Variants in GJC1 observed in about 807,000 individuals in gnomAD.
GJC1 encodes gap junction protein gamma 1, also known as gap junction gamma-1 protein.
In GJC1, 5 loss-of-function variants were observed where a neutral mutation model predicts 29.3. The observed-to-expected ratio is 0.17, with a 90% CI of 0.09 to 0.36. The LOEUF is 0.36. GJC1 is among the 10% of genes least tolerant of loss of function. The pLI, the probability that GJC1 is intolerant of heterozygous loss-of-function variation, is 1.00. For missense variants in GJC1, 310 were observed against 496.2 expected (o/e 0.62, Z 3.56); for synonymous variants, 177 against 183.3 (o/e 0.97, Z 0.28).
chr17:44,811,639 G>A (rs532780894), intron 1 of GJC1, among the ~76,000 whole-genome samples: 2 of 151,916 alleles, frequency 1.3e-5, no homozygotes, highest in African/African-American at 2.4e-5. Flanking sequence ...TGCCTGCCTC[G>A]GCCTTCCAAA....
chr17:44,828,579 G>A (rs2050199124), intron 1 of GJC1, among the ~76,000 whole-genome samples: 1 of 152,160 alleles, frequency 6.6e-6, no homozygotes, highest in African/African-American at 2.4e-5. Context: ...GGAAAACTAA[G>A]ATCTGTTTAT....
downstream of GJC1, chr17:44,794,228 A>AC (rs1176956611): frequency 2.0e-5 from 3 of 152,142 alleles, no homozygotes; most frequent in Non-Finnish European, 4.4e-5. Flanking sequence ...CCCAGAGCAG[A>AC]CCCCTAGCAC....
chr17:44,796,881 T>C (rs182757515), downstream of GJC1, among the ~76,000 whole-genome samples: 30 of 152,214 alleles, frequency 2.0e-4, no homozygotes, highest in African/African-American at 7.2e-4. Flanking sequence ...TCGCTCTTGC[T>C]CTGTCATCCA....
At chr17:44,822,643 CAA>C (rs11423012) in intron 1 of GJC1, among the ~76,000 whole-genome samples, 1,393 of 80,216 alleles carry the variant, frequency 0.017, 21 homozygotes, top group African/African-American at 0.057. Context: ...AACTCCATCT[CAA>C]AAAAAAAAAA....
chr17:44,825,635 C>T (rs1309298297), intron 1 of GJC1, among the ~76,000 whole-genome samples: 1 of 152,052 alleles, frequency 6.6e-6, no homozygotes, highest in African/African-American at 2.4e-5. Context: ...ATTAGCTGGG[C>T]GTGGTGGTGG....
chr17:44,815,749 C>T (rs2050034436), intron 1 of GJC1, among the ~76,000 whole-genome samples: 2 of 151,622 alleles, frequency 1.3e-5, no homozygotes, highest in African/African-American at 4.9e-5. Flanking sequence ...ATAAACATCT[C>T]AGTTTATTTT....
At chr17:44,814,420 G>C (rs1300265032) in intron 1 of GJC1, among the ~76,000 whole-genome samples, 1 of 152,060 alleles carries the variant, frequency 6.6e-6, no homozygotes, top group Non-Finnish European at 1.5e-5. Context: ...GATTACAGGC[G>C]TGAGCCACCA....
intron 1 of GJC1, among the ~76,000 whole-genome samples, chr17:44,812,078 C>T (rs917981119): frequency 4.0e-5 from 6 of 151,856 alleles, no homozygotes; most frequent in African/African-American, 1.5e-4. Flanking sequence ...ACTTTGGGAG[C>T]CCAAGGCGGA....
At chr17:44,815,132 T>G (rs1199359254) in intron 1 of GJC1, among the ~76,000 whole-genome samples, 2 of 152,078 alleles carry the variant, frequency 1.3e-5, no homozygotes, top group Admixed American at 6.6e-5. Flanking sequence ...GTGGTGGAGA[T>G]GGGTGGAGGC....
Position 44,805,450 on chromosome 17 carries a change from T to G in GJC1, c.368A>C (p.Gln123Pro). The G allele has an allele frequency of 1.9e-6, 3 of 1,614,200 alleles. No homozygotes were observed. Among genetic ancestry groups the G allele is most frequent in the Non-Finnish European group, 2.5e-6 (3 of 1,180,016 alleles). Residue 123 changes from glutamine to proline, a missense_variant, in exon 3 of 3, where the codon CAA becomes CCA. Physicochemically the swap from Gln to Pro is moderately conservative, Grantham distance 76 (BLOSUM62 -1). Transcript: ENST00000592524. The surrounding 1 kb of genome is among the most constrained non-coding windows in gnomAD (Gnocchi z 5.1). ...CTCCGTTTCTTCCAGAGCCCGGTGT[T>G]GTTTCCAGCGCATTGCATAGGGCTT... ...RSKPYAMRWK[Q>P]HRALEETEED...
upstream of GJC1, chr17:44,830,956 T>C (rs1300535762): frequency 2.8e-6 from 1 of 362,128 alleles, no homozygotes; most frequent in Admixed American, 4.6e-5. The surrounding 1 kb of genome is among the most constrained non-coding windows in gnomAD (Gnocchi z 4.3). Context: ...AGTTTTAAAA[T>C]GCCCAGTAGG....
chr17:44,811,829 C>A (rs896588583), intron 1 of GJC1, among the ~76,000 whole-genome samples: 1 of 151,770 alleles, frequency 6.6e-6, no homozygotes, highest in Non-Finnish European at 1.5e-5. Context: ...CATGGTGAAA[C>A]CCCGTCTCTA....
chr17:44,813,556 G>A (rs1454994167), intron 1 of GJC1, among the ~76,000 whole-genome samples: 10 of 126,252 alleles, frequency 7.9e-5, no homozygotes, highest in South Asian at 2.7e-4. Context: ...GCAGTACCAC[G>A]ATCTCAACTT....
downstream of GJC1, among the ~76,000 whole-genome samples, chr17:44,796,097 C>T (rs1027379579): frequency 1.1e-4 from 16 of 152,282 alleles, no homozygotes; most frequent in South Asian, 1.0e-3. Flanking sequence ...AGTGTTCCTC[C>T]GGACATCCAG....
intron 1 of GJC1, among the ~76,000 whole-genome samples, chr17:44,817,376 T>C (rs1051043572): frequency 6.6e-6 from 1 of 151,758 alleles, no homozygotes; most frequent in African/African-American, 2.4e-5. Context: ...GTACAGGTTC[T>C]ATGTGACCCT....
downstream of GJC1, chr17:44,794,747 C>T (rs1438869059): frequency 3.3e-5 from 5 of 152,246 alleles, no homozygotes; most frequent in African/African-American, 9.6e-5. Flanking sequence ...GGTTCTGCCT[C>T]GCCTGGAGTT....
intron 1 of GJC1, among the ~76,000 whole-genome samples, chr17:44,819,017 T>C (rs1469971638): frequency 6.6e-6 from 1 of 152,076 alleles, no homozygotes; most frequent in Non-Finnish European, 1.5e-5. Context: ...CCTCATTAAC[T>C]TGTGTCCTGT....
chr17:44,815,206 G>A (rs1432162070), intron 1 of GJC1, among the ~76,000 whole-genome samples: 1 of 152,038 alleles, frequency 6.6e-6, no homozygotes, highest in African/African-American at 2.4e-5. Context: ...TTTTGAGGCT[G>A]GGTCTTGCTG....
intron 1 of GJC1, among the ~76,000 whole-genome samples, chr17:44,824,065 C>T (rs1046399563): frequency 1.3e-5 from 2 of 148,388 alleles, no homozygotes; most frequent in Admixed American, 6.8e-5. Context: ...TGGAGTGCAG[C>T]GGCACAATCT....
Sources: gnomAD v4.1 joint callset for allele counts (sites outside exome capture counted in the v4.1 genomes callset) on GRCh38, gnomAD v4.1.1 for gene constraint, Gnocchi (gnomAD v3.1) non-coding constraint, MANE v1.5 for transcripts, NCBI Gene and HGNC (gene_info 2026-07-23, HGNC 2026-07-21) for gene names.